HIVEP1: variants seen among roughly 807,000 people sequenced by gnomAD.
HIVEP1 encodes the protein zinc finger protein 40.
A neutral mutation model predicts 180.0 loss-of-function variants in HIVEP1; 36 were observed. The ratio of observed to expected loss-of-function variants is 0.20; its 90% confidence interval spans 0.15 to 0.26. HIVEP1 has a LOEUF of 0.26. Ranked by LOEUF, HIVEP1 falls within the 10% of genes least tolerant of loss-of-function variation. HIVEP1 has a pLI of 1.00. For synonymous variants in HIVEP1, 1,239 were observed against 1,239.0 expected, an observed-to-expected ratio of 1.00 and a Z score of 0.00; for missense variants, 3,143 against 3,268.7, an observed-to-expected ratio of 0.96 and a Z score of 0.94.
intron 4 of HIVEP1, among the ~76,000 whole-genome samples, chr6:12,127,192 A>G (rs1049091197): frequency 6.6e-6 from 1 of 152,202 alleles, no homozygotes; most frequent in Non-Finnish European, 1.5e-5. Flanking sequence ...AATACACGAA[A>G]TGACATGGAA....
chr6:12,102,142 C>G (rs1774148515), intron 3 of HIVEP1, among the ~76,000 whole-genome samples: 1 of 152,038 alleles, frequency 6.6e-6, no homozygotes, highest in Non-Finnish European at 1.5e-5. Context: ...GACAATTCAA[C>G]AATAACAGTT....
At chr6:12,010,502 A>T (rs946331381), upstream of HIVEP1, among the ~76,000 whole-genome samples, 3 of 152,242 alleles carry the variant, frequency 2.0e-5, no homozygotes, top group African/African-American at 4.8e-5. Flanking sequence ...GCCCAAGGGA[A>T]CAAAACAATT....
chr6:12,168,212 ATATATACATATAT>A (rs1206053521), downstream of HIVEP1, among the ~76,000 whole-genome samples: 753 of 94,862 alleles, frequency 7.9e-3, 28 homozygotes, highest in African/African-American at 0.03. Context: ...ACATATATAC[ATATATACATATAT>A]TATATACATA....
the HIVEP1 span, among the ~76,000 whole-genome samples, chr6:12,172,695 G>A: frequency 2.7e-4 from 41 of 152,034 alleles, no homozygotes; most frequent in African/African-American, 9.2e-4. Flanking sequence ...AACAGATATT[G>A]CATTATATGA....
chr6:12,177,141 C>T, the HIVEP1 span, among the ~76,000 whole-genome samples: 1 of 152,070 alleles, frequency 6.6e-6, no homozygotes, highest in Non-Finnish European at 1.5e-5. Context: ...AAGAAGAGAA[C>T]AGCAGACACT....
At chr6:12,073,714 C>T (rs144222340) in intron 2 of HIVEP1, among the ~76,000 whole-genome samples, 1 of 152,256 alleles carries the variant, frequency 6.6e-6, no homozygotes, top group African/African-American at 2.4e-5. Context: ...GGGTTAGTCT[C>T]ATATAGGCTA....
chr6:12,149,170 G>C (rs1277515249), intron 7 of HIVEP1, among the ~76,000 whole-genome samples: 1 of 152,204 alleles, frequency 6.6e-6, no homozygotes, highest in Admixed American at 6.5e-5. Flanking sequence ...TTTTCTGAAA[G>C]TGATGTATAC....
chr6:12,039,493 TGTGTA>T (rs1429939083), intron 2 of HIVEP1, among the ~76,000 whole-genome samples: 1 of 152,190 alleles, frequency 6.6e-6, no homozygotes, highest in Non-Finnish European at 1.5e-5. Flanking sequence ...GTGATATTCT[TGTGTA>T]TTTTCAGGGG....
chr6:12,143,412 A>T (rs1237158652), intron 7 of HIVEP1, among the ~76,000 whole-genome samples: 3 of 152,234 alleles, frequency 2.0e-5, no homozygotes, highest in African/African-American at 2.4e-5. Flanking sequence ...ATTTATGACA[A>T]ACCCACAACC....
Position 12,119,982 on chromosome 6 carries a change from C to A in HIVEP1, c.187C>A (p.Pro63Thr). 2 of 1,611,364 alleles carry A rather than the reference C, an allele frequency of 1.2e-6. No individual in the cohort carries two copies. The highest frequency in any genetic ancestry group is 1.7e-6 in the Non-Finnish European group (2 of 1,179,286). Residue 63 changes from proline (P) to threonine (T), a missense_variant, in exon 4 of 9, where the codon CCA becomes ACA. Physicochemically the swap from Pro to Thr is conservative, Grantham distance 38. This residue lies in a region of HIVEP1 where 114 missense variants were observed against 134.5 expected (regional missense o/e 0.85). Coordinates refer to ENST00000379388, the MANE Select transcript of HIVEP1 (RefSeq NM_002114.4). The stretch of plus-strand genomic sequence containing the variant: ...AGCTGAGAATCACCTGAAAAAAATA[C>A]CAAAATCCCCACTGAGAAATCCTCT... ...IVAENHLKKI[P>T]KSPLRNPLQA...
At chr6:12,078,958 A>G (rs748563716) in intron 2 of HIVEP1, among the ~76,000 whole-genome samples, 3 of 151,994 alleles carry the variant, frequency 2.0e-5, no homozygotes, top group Non-Finnish European at 2.9e-5. Flanking sequence ...ATGCGTGTGC[A>G]TGTGTGAATC....
intron 7 of HIVEP1, among the ~76,000 whole-genome samples, chr6:12,147,274 A>G (rs1180945090): frequency 1.3e-5 from 2 of 152,172 alleles, no homozygotes; most frequent in Non-Finnish European, 2.9e-5. Context: ...CCATTTCTTC[A>G]TGTTCTGACA....
intron 7 of HIVEP1, among the ~76,000 whole-genome samples, chr6:12,153,013 C>T (rs985501034): frequency 3.9e-5 from 6 of 152,148 alleles, no homozygotes; most frequent in African/African-American, 1.4e-4. Context: ...AATCAGCATG[C>T]TTCTTGAAAT....
intron 4 of HIVEP1, among the ~76,000 whole-genome samples, chr6:12,126,753 G>T (rs1478542789): frequency 1.3e-5 from 2 of 152,154 alleles, no homozygotes; most frequent in Non-Finnish European, 2.9e-5. Flanking sequence ...AACATTACTG[G>T]TAGGTGGAAG....
chr6:12,110,409 C>T (rs1278441227), intron 3 of HIVEP1, among the ~76,000 whole-genome samples: 1 of 152,250 alleles, frequency 6.6e-6, no homozygotes, highest in Non-Finnish European at 1.5e-5. Flanking sequence ...TTTCTGTAGC[C>T]ACCTTCCTCA....
chr6:12,083,905 A>G (rs538782283), intron 2 of HIVEP1, among the ~76,000 whole-genome samples: 1 of 152,210 alleles, frequency 6.6e-6, no homozygotes, highest in Non-Finnish European at 1.5e-5. Context: ...ATAGATTGTT[A>G]AAGCTGTGTT....
At chr6:12,078,038 G>T (rs763001901) in intron 2 of HIVEP1, among the ~76,000 whole-genome samples, 4 of 152,122 alleles carry the variant, frequency 2.6e-5, no homozygotes, top group Admixed American at 6.5e-5. Flanking sequence ...AAAAGAAGAG[G>T]ACATTGTTTA....
At position 12,045,795 on chromosome 6, in the gene HIVEP1, T is replaced by C. The variant is rs146461864; in HGVS notation, c.40+30127T>C. Among the ~76,000 whole-genome samples, 280 of 152,388 alleles carry C rather than the reference T, an allele frequency of 1.8e-3. 1 individual carries two copies. The highest frequency in any genetic ancestry group is 6.4e-3 in the African/African-American group (265 of 41,598). On this transcript the variant is annotated intron_variant, in intron 2 of 8. Transcript: ENST00000379388. ...CCTTATAATTTTAACAATGTATGCC[T>C]GTTAAAATGTTCTCCATCACATCTG...
chr6:12,130,980 G>A lies in HIVEP1; in HGVS notation c.6385+38G>A, dbSNP rs372397526. 39 of 1,463,418 alleles carry A rather than the reference G, an allele frequency of 2.7e-5. No homozygotes were observed. The South Asian group carries it at 5.0e-4, about 19-fold the overall frequency. 90.7% of individuals were successfully genotyped at this position (1,463,418 alleles called of 1,614,324 possible). A position where few individuals can be genotyped will look rare whatever the true frequency, so the allele number is the denominator to read the frequency against. On this transcript the variant is annotated intron_variant, in intron 6 of 8. Coordinates refer to ENST00000379388, the MANE Select transcript of HIVEP1 (RefSeq NM_002114.4). ...CATTGCTTCAAGGTCCTTTTAATATGTATTTAGGTGGGAAAGCTAAAACCC... is the reference window on the plus strand; with the variant it reads ...CATTGCTTCAAGGTCCTTTTAATATATATTTAGGTGGGAAAGCTAAAACCC...
Sources: allele counts gnomAD v4.1 joint callset (sites outside exome capture counted in the v4.1 genomes callset), GRCh38; gene constraint gnomAD v4.1.1; regional missense constraint gnomAD v4.1.1; transcripts MANE v1.5; gene names NCBI Gene and HGNC (gene_info 2026-07-23, HGNC 2026-07-21).